Variants in MYH10 observed in about 807,000 individuals in gnomAD.
MYH10 encodes the protein myosin heavy chain 10, also known as myosin-10.
Under a neutral mutation model 257.8 loss-of-function variants are expected in MYH10, and 55 were observed. The ratio of observed to expected loss-of-function variants is 0.21; its 90% CI spans 0.17 to 0.27. MYH10 has a LOEUF of 0.27. Ranked by LOEUF, MYH10 falls within the 10% of genes least tolerant of loss-of-function variation. The pLI, the probability that MYH10 is intolerant of heterozygous loss-of-function variation, is 1.00. For synonymous variants in MYH10, 854 were observed against 921.7 expected, an observed-to-expected ratio of 0.93 and a Z score of 1.33; for missense variants, 1,631 against 2,500.6, an observed-to-expected ratio of 0.65 and a Z score of 7.42.
intron 4 of MYH10, among the ~76,000 whole-genome samples, chr17:8,586,580 T>C (rs774861478): frequency 2.6e-5 from 4 of 152,238 alleles, no homozygotes; most frequent in Non-Finnish European, 5.9e-5. Flanking sequence ...TGGTACTTGA[T>C]GACTGCCCCT....
chr17:8,501,023 C>T, intron 28 of MYH10, 53 bp from the exon 29 acceptor site: 1 of 1,536,114 alleles, frequency 6.5e-7, no homozygotes, highest in Non-Finnish European at 8.8e-7. Context: ...TGATTAAAAA[C>T]ACATTTTCTT....
At chr17:8,612,575 G>A (rs920674019) in intron 2 of MYH10, among the ~76,000 whole-genome samples, 1 of 152,146 alleles carries the variant, frequency 6.6e-6, no homozygotes, top group African/African-American at 2.4e-5. Flanking sequence ...GTATGGCCAG[G>A]TGCGGTGGCT....
intron 4 of MYH10, among the ~76,000 whole-genome samples, chr17:8,586,922 A>G (rs1450887216): frequency 2.0e-5 from 3 of 152,124 alleles, no homozygotes; most frequent in Non-Finnish European, 4.4e-5. Context: ...AATGGCTCCA[A>G]TTGTTTCATG....
chr17:8,525,122 CT>C (rs1238457379), intron 17 of MYH10, among the ~76,000 whole-genome samples: 1 of 152,238 alleles, frequency 6.6e-6, no homozygotes, highest in East Asian at 1.9e-4. Context: ...ACATTCCATC[CT>C]TTTCTCTCTG....
rs1436738427 is a variant in MYH10 at position 8,490,359 on chromosome 17, TTCTTC to T, written c.4860_4864del (p.Lys1621AlafsTer17). 1 of 1,613,986 alleles carries T rather than the reference TTCTTC, an allele frequency of 6.2e-7. No individual in the cohort carries two copies. The highest frequency in any genetic ancestry group is 1.3e-5 in the African/African-American group (1 of 75,054). On this transcript the variant is annotated frameshift_variant, in exon 35 of 43. Coordinates refer to ENST00000360416, the MANE Select transcript of MYH10 (RefSeq NM_001256012.3). LOFTEE classifies it high-confidence loss of function. This position sits in a 1 kb window ranked among gnomAD's most constrained non-coding sequence, Gnocchi z 4.1. ...CCCTACCTGTTTGATCAGCAGCCGC[TTCTTC>T]TCTTCATTCTGCTCATCCCTGGTTT...
intron 3 of MYH10, among the ~76,000 whole-genome samples, chr17:8,597,181 A>G (rs946738842): frequency 1.3e-5 from 2 of 152,348 alleles, no homozygotes; most frequent in East Asian, 3.9e-4. Flanking sequence ...TCATAGGATA[A>G]TAATTAAAAT....
At chr17:8,538,337 C>T (rs2082201348) in intron 14 of MYH10, among the ~76,000 whole-genome samples, 1 of 152,162 alleles carries the variant, frequency 6.6e-6, no homozygotes, top group South Asian at 2.1e-4. Flanking sequence ...TCCCGAGTAG[C>T]TGGGATTACA....
intron 2 of MYH10, among the ~76,000 whole-genome samples, chr17:8,613,204 A>G (rs1401160170): frequency 3.9e-5 from 6 of 152,202 alleles, no homozygotes. Context: ...TTAAAAGAAA[A>G]CAACCGCCGG....
chr17:8,568,165 G>A (rs1413982786), intron 7 of MYH10, among the ~76,000 whole-genome samples: 7 of 152,128 alleles, frequency 4.6e-5, no homozygotes, highest in Non-Finnish European at 1.0e-4. Flanking sequence ...CGTCTCTCGT[G>A]GGTGGCTTTC....
chr17:8,628,031 T>C (rs1340657052), intron 1 of MYH10, among the ~76,000 whole-genome samples: 1 of 152,190 alleles, frequency 6.6e-6, no homozygotes, highest in Non-Finnish European at 1.5e-5. Context: ...GTGTGTAGTG[T>C]ACAATGCTAT....
intron 5 of MYH10, among the ~76,000 whole-genome samples, 195 bp from the exon 6 acceptor site, chr17:8,576,867 C>T (rs2083518310): frequency 6.6e-6 from 1 of 152,170 alleles, no homozygotes; most frequent in African/African-American, 2.4e-5. Context: ...TCTATTCTTG[C>T]CCTTTTTCTG....
chr17:8,480,677 T>A, intron 38 of MYH10, 152 bp from the exon 39 acceptor site: 2 of 967,712 alleles, frequency 2.1e-6, no homozygotes, highest in Non-Finnish European at 3.1e-6. Context: ...AATCCATCAG[T>A]AGGTCCCACT....
intron 2 of MYH10, among the ~76,000 whole-genome samples, chr17:8,620,688 AT>A (rs2085430572): frequency 6.6e-6 from 1 of 152,118 alleles, no homozygotes; most frequent in South Asian, 2.1e-4. Flanking sequence ...CCCAATACAT[AT>A]TTATCACAAT....
intron 21 of MYH10, among the ~76,000 whole-genome samples, chr17:8,514,991 CTCCACTCCGACAG>C (rs1233669024): frequency 6.6e-6 from 1 of 152,182 alleles, no homozygotes; most frequent in East Asian, 1.9e-4. Flanking sequence ...AGTGCTGATG[CTCCACTCCGACAG>C]TCCACTCACA....
At chr17:8,493,672 G>A in intron 32 of MYH10, 61 bp downstream of exon 32, 1 of 1,542,172 alleles carries the variant, frequency 6.5e-7, no homozygotes, top group Non-Finnish European at 8.7e-7. Flanking sequence ...AGCACAGCAG[G>A]GCCAGGATCT....
At chr17:8,609,228 A>G (rs1051022387) in intron 2 of MYH10, among the ~76,000 whole-genome samples, 3 of 152,174 alleles carry the variant, frequency 2.0e-5, no homozygotes, top group Non-Finnish European at 4.4e-5. Context: ...AGGCTGGTGC[A>G]AATGTCAACG....
chr17:8,516,522 C>T (rs1257814574), intron 21 of MYH10, among the ~76,000 whole-genome samples: 1 of 152,228 alleles, frequency 6.6e-6, no homozygotes, highest in Non-Finnish European at 1.5e-5. Flanking sequence ...GATTTGTTAG[C>T]TTTAAGTCCT....
At chr17:8,598,953 C>T (rs1317081416) in intron 3 of MYH10, among the ~76,000 whole-genome samples, 1 of 152,178 alleles carries the variant, frequency 6.6e-6, no homozygotes, top group African/African-American at 2.4e-5. Flanking sequence ...GTGATCTGCC[C>T]ACCTTGGCCT....
intron 4 of MYH10, among the ~76,000 whole-genome samples, chr17:8,581,349 A>C (rs933800847): frequency 5.9e-5 from 9 of 152,152 alleles, no homozygotes; most frequent in African/African-American, 1.9e-4. Context: ...TTACACCAAG[A>C]AATGGGCCTC....
Sources: gnomAD v4.1 joint callset for allele counts (sites outside exome capture counted in the v4.1 genomes callset) on GRCh38, gnomAD v4.1.1 for gene constraint, Gnocchi (gnomAD v3.1) non-coding constraint, MANE v1.5 for transcripts, NCBI Gene and HGNC (gene_info 2026-07-23, HGNC 2026-07-21) for gene names.